Variants in NEK1 observed in about 807,000 individuals in gnomAD.
The protein encoded by NEK1 is NIMA related kinase 1, also known as serine/threonine-protein kinase Nek1.
In NEK1, 137 loss-of-function variants were observed where a neutral mutation model predicts 182.1. That is an observed-to-expected ratio of 0.75 (90% confidence interval 0.65 to 0.87). NEK1 has a LOEUF of 0.87. NEK1 is among the 40% of genes least tolerant of loss of function. The pLI is 0.00. For synonymous variants in NEK1, 513 were observed against 492.2 expected (o/e 1.04, Z -0.56); for missense variants, 1,391 against 1,494.4 (o/e 0.93, Z 1.14).
intron 6 of NEK1, 38 bp from the exon 7 acceptor site, chr4:169,589,552 T>C: frequency 1.6e-6 from 2 of 1,231,968 alleles, no homozygotes; most frequent in Non-Finnish European, 2.3e-6. Context: ...CTAGAAATAT[T>C]GTTACAGTCC....
chr4:169,567,019 G>C (rs900143718), intron 12 of NEK1, among the ~76,000 whole-genome samples: 27 of 152,196 alleles, frequency 1.8e-4, no homozygotes, highest in African/African-American at 6.0e-4. Flanking sequence ...GAGCCTGGGA[G>C]GTGGAGGTTG....
At chr4:169,603,702 G>T (rs1456399434) in intron 2 of NEK1, among the ~76,000 whole-genome samples, 1 of 140,450 alleles carries the variant, frequency 7.1e-6, no homozygotes, top group African/African-American at 2.9e-5. Context: ...CACATTTATT[G>T]AACATTTTTT....
At position 169,433,572 on chromosome 4, in the gene NEK1, C is replaced by A. The variant is rs771528659; in HGVS notation, c.2858G>T (p.Ser953Ile). The part of the protein sequence containing the change: ...LPCTITDVWI[S>I]EEKETKETQS... The stretch of plus-strand genomic sequence containing the variant: ...AGTTTCCTTTGTTTCTTTTTCCTCA[C>A]TAATCCACACATCAGTAATAGTGCA... Residue 953 changes from serine to isoleucine, a missense_variant, in exon 29 of 36, where the codon AGT becomes ATT. By Grantham distance (142) the Ser-to-Ile change is moderately radical (BLOSUM62 -2). Transcript: ENST00000507142. 3 of 1,612,000 alleles carry A rather than the reference C, an allele frequency of 1.9e-6. No homozygotes were observed. The highest frequency in any genetic ancestry group is 2.7e-5 in the African/African-American group (2 of 74,884).
At chr4:169,407,332 G>A (rs180740862) in intron 31 of NEK1, among the ~76,000 whole-genome samples, 1 of 152,286 alleles carries the variant, frequency 6.6e-6, no homozygotes, top group East Asian at 1.9e-4. Flanking sequence ...TCACTCAATT[G>A]TAGGAACTGC....
chr4:169,468,452 G>GTGCATTTCATTGCATGTAAAT (rs1745329916), intron 26 of NEK1, among the ~76,000 whole-genome samples: 2 of 152,048 alleles, frequency 1.3e-5, no homozygotes, highest in Non-Finnish European at 2.9e-5. Flanking sequence ...TTTGTAATGT[G>GTGCATTTCATTGCATGTAAAT]TGCATTTCAT....
chr4:169,430,038 T>A (rs1372822847), intron 29 of NEK1, among the ~76,000 whole-genome samples: 2 of 152,238 alleles, frequency 1.3e-5, no homozygotes, highest in East Asian at 1.9e-4. Context: ...AAATAGGTTA[T>A]CTTTTTATGT....
intron 19 of NEK1, among the ~76,000 whole-genome samples, chr4:169,510,089 G>T (rs1753936648): frequency 6.6e-6 from 1 of 151,888 alleles, no homozygotes; most frequent in Non-Finnish European, 1.5e-5. Flanking sequence ...CTCTCTCTTG[G>T]GTTCTTTCAA....
At chr4:169,470,515 G>T (rs551482884) in intron 26 of NEK1, among the ~76,000 whole-genome samples, 2 of 152,108 alleles carry the variant, frequency 1.3e-5, no homozygotes, top group Non-Finnish European at 2.9e-5. Flanking sequence ...CGTCCCTTTG[G>T]GGGTAATCCA....
At position 169,602,496 on chromosome 4, in the gene NEK1, A is replaced by G; in HGVS notation, c.117+18T>C. 7.4e-7 allele frequency: 1 copy of G among 1,357,188 alleles called. No individual in the cohort carries two copies. Among genetic ancestry groups the G allele is most frequent in the African/African-American group, 1.4e-5 (1 of 69,766 alleles). 84.1% of individuals were successfully genotyped at this position (1,357,188 alleles called of 1,614,324 possible). A position where few individuals can be genotyped will look rare whatever the true frequency, so the allele number is the denominator to read the frequency against. On this transcript the variant is annotated intron_variant, in intron 3 of 35. Coordinates refer to ENST00000507142, the MANE Select transcript of NEK1 (RefSeq NM_001199397.3). ...AACTAAACCATTACTCATGAAACCA[A>G]ACTAAAAATATACTTACTCTTGAGA...
chr4:169,558,467 T>A (rs1351669037), intron 16 of NEK1, among the ~76,000 whole-genome samples: 2 of 152,230 alleles, frequency 1.3e-5, no homozygotes, highest in Admixed American at 1.3e-4. Flanking sequence ...CTGATCTGCT[T>A]TCCGTCACTA....
At chr4:169,567,302 A>C (rs1763862509) in intron 12 of NEK1, among the ~76,000 whole-genome samples, 1 of 152,188 alleles carries the variant, frequency 6.6e-6, no homozygotes, top group Non-Finnish European at 1.5e-5. Context: ...AAAATACATA[A>C]AACAAAATTT....
intron 18 of NEK1, among the ~76,000 whole-genome samples, chr4:169,552,401 TTC>T (rs1374968336): frequency 6.6e-6 from 1 of 151,440 alleles, no homozygotes; most frequent in African/African-American, 2.4e-5. Flanking sequence ...CAGCACCCAT[TTC>T]TGATTTTAAA....
chr4:169,547,518 C>T (rs1760709842), intron 18 of NEK1, among the ~76,000 whole-genome samples: 1 of 152,120 alleles, frequency 6.6e-6, no homozygotes, highest in African/African-American at 2.4e-5. Flanking sequence ...GAATGCTGGC[C>T]TGCCTTGCTA....
chr4:169,402,419 G>A (rs996435285), intron 32 of NEK1, among the ~76,000 whole-genome samples: 1 of 152,050 alleles, frequency 6.6e-6, no homozygotes, highest in African/African-American at 2.4e-5. Context: ...TGAATAAAAT[G>A]GTCACCAGAA....
intron 2 of NEK1, among the ~76,000 whole-genome samples, chr4:169,611,512 T>C (rs911548207): frequency 1.3e-5 from 2 of 152,146 alleles, no homozygotes; most frequent in Non-Finnish European, 2.9e-5. Flanking sequence ...TAATGAAACA[T>C]ACCAAGGCAA....
intron 23 of NEK1, among the ~76,000 whole-genome samples, chr4:169,497,891 G>A (rs1406103266): frequency 1.3e-5 from 2 of 152,156 alleles, no homozygotes; most frequent in African/African-American, 4.8e-5. Context: ...GTTGATTTGG[G>A]GTGGAGAGTT....
At chr4:169,566,422 C>A (rs1280898708) in intron 12 of NEK1, among the ~76,000 whole-genome samples, 1 of 152,156 alleles carries the variant, frequency 6.6e-6, no homozygotes, top group Non-Finnish European at 1.5e-5. Flanking sequence ...AACATCCACA[C>A]TGAGAGAACT....
chr4:169,427,988 CTT>C (rs58161351), intron 29 of NEK1, among the ~76,000 whole-genome samples: 1 of 140,322 alleles, frequency 7.1e-6, no homozygotes, highest in Non-Finnish European at 1.6e-5. Flanking sequence ...CCATGCCTGG[CTT>C]TTTTTTTTTT....
chr4:169,487,019 G>C (rs896048239), intron 23 of NEK1, among the ~76,000 whole-genome samples: 1 of 151,898 alleles, frequency 6.6e-6, no homozygotes, highest in East Asian at 1.9e-4. Context: ...CCCAAAAAAA[G>C]GACCCATCAT....
Sources: gnomAD v4.1 joint callset for allele counts (sites outside exome capture counted in the v4.1 genomes callset) on GRCh38, gnomAD v4.1.1 for gene constraint, MANE v1.5 for transcripts, NCBI Gene and HGNC (gene_info 2026-07-23, HGNC 2026-07-21) for gene names.